Variants in PITPNA observed in about 807,000 individuals in gnomAD.
PITPNA encodes phosphatidylinositol transfer protein alpha isoform.
A neutral mutation model predicts 50.3 loss-of-function variants in PITPNA; 13 were observed. That is an observed-to-expected ratio of 0.26 (90% CI 0.17 to 0.41). PITPNA has a LOEUF of 0.41. Among genes scored for constraint, PITPNA ranks in the 10% least tolerant of loss-of-function variants. The pLI is 1.00. For missense variants in PITPNA, 207 were observed against 333.4 expected (o/e 0.62, Z 2.95); for synonymous variants, 120 against 119.6 (o/e 1.00, Z -0.02).
chr17:1,534,059 T>C (rs2075600535), intron 10 of PITPNA, 40 bp downstream of exon 10: 1 of 1,609,816 alleles, frequency 6.2e-7, no homozygotes, highest in African/African-American at 1.3e-5. Flanking sequence ...TTAATCTTCG[T>C]TTGTTTATCT....
chr17:1,522,655 G>A (rs1248728177), intron 10 of PITPNA, among the ~76,000 whole-genome samples: 1 of 152,232 alleles, frequency 6.6e-6, no homozygotes, highest in Non-Finnish European at 1.5e-5. Flanking sequence ...TTACAGGCGT[G>A]AGCCACCGCA....
intron 2 of PITPNA, among the ~76,000 whole-genome samples, chr17:1,554,140 C>T (rs2075723316): frequency 6.6e-6 from 1 of 152,142 alleles, no homozygotes; most frequent in African/African-American, 2.4e-5. Context: ...AGAAGCTGTC[C>T]AGAGGAGAAA....
At chr17:1,524,225 T>A (rs2075532623) in intron 10 of PITPNA, among the ~76,000 whole-genome samples, 1 of 150,958 alleles carries the variant, frequency 6.6e-6, no homozygotes, top group African/African-American at 2.4e-5. Context: ...TTTGTGTTTT[T>A]AGTAGAGACG....
intron 10 of PITPNA, among the ~76,000 whole-genome samples, chr17:1,531,551 GA>G (rs1224575929): frequency 1.3e-5 from 2 of 151,768 alleles, no homozygotes; most frequent in Middle Eastern, 3.4e-3. Flanking sequence ...AAATAAATAA[GA>G]AAAATTAAAA....
At position 1,518,143 on chromosome 17, in the gene PITPNA, AAAGT is replaced by A. The variant is rs1252837610; in HGVS notation, c.*2414_*2417del. On this transcript the variant is annotated 3_prime_UTR_variant, in exon 12 of 12. Coordinates refer to ENST00000313486, the MANE Select transcript of PITPNA (RefSeq NM_006224.4). ...AAACAAGTAGCACTAGGAACCAACC[AAAGT>A]AAGTCAGGGAGTCCCAGCAGGGACT... 6.6e-6 allele frequency: 1 copy of A among 152,616 alleles called. No homozygotes were observed. The highest frequency in any genetic ancestry group is 1.5e-5 in the Non-Finnish European group (1 of 68,046). 9.5% of individuals were successfully genotyped at this position (152,616 alleles called of 1,614,324 possible). A position where few individuals can be genotyped will look rare whatever the true frequency, so the allele number is the denominator to read the frequency against.
intron 6 of PITPNA, among the ~76,000 whole-genome samples, chr17:1,541,011 G>A (rs905716664): frequency 2.0e-5 from 3 of 152,140 alleles, no homozygotes; most frequent in African/African-American, 4.8e-5. Context: ...TGATCCTCCA[G>A]CCTCGGCCTC....
At chr17:1,547,713 G>A (rs1378184969) in intron 4 of PITPNA, among the ~76,000 whole-genome samples, 2 of 151,636 alleles carry the variant, frequency 1.3e-5, no homozygotes, top group African/African-American at 2.4e-5. Context: ...ATGTGTCTGG[G>A]CTGGGCACAG....
intron 1 of PITPNA, among the ~76,000 whole-genome samples, chr17:1,561,658 G>C (rs2075768906): frequency 6.6e-6 from 1 of 152,118 alleles, no homozygotes; most frequent in African/African-American, 2.4e-5. Flanking sequence ...TCCCAAGCTT[G>C]TTCCAAAAGC....
chr17:1,542,092 C>T (rs372270932), intron 5 of PITPNA, among the ~76,000 whole-genome samples: 9 of 151,872 alleles, frequency 5.9e-5, no homozygotes, highest in South Asian at 2.1e-4. Flanking sequence ...CCCAGCTACT[C>T]GGGAGGCTGA....
chr17:1,524,291 G>C (rs574151731), intron 10 of PITPNA, among the ~76,000 whole-genome samples: 1 of 148,420 alleles, frequency 6.7e-6, no homozygotes, highest in Non-Finnish European at 1.5e-5. Flanking sequence ...TGATCCGCCC[G>C]CCTTGGCCTC....
At chr17:1,560,437 AC>A (rs2075762428) in intron 1 of PITPNA, among the ~76,000 whole-genome samples, 1 of 152,072 alleles carries the variant, frequency 6.6e-6, no homozygotes, top group African/African-American at 2.4e-5. Context: ...GGATGCACAC[AC>A]GGGGCACGAG....
At chr17:1,551,825 C>T (rs1380143521) in intron 3 of PITPNA, among the ~76,000 whole-genome samples, 2 of 152,212 alleles carry the variant, frequency 1.3e-5, no homozygotes, top group African/African-American at 2.4e-5. Flanking sequence ...CTGGACAGCA[C>T]TGCTCTCCTC....
rs148517596 is a variant in PITPNA at position 1,549,142 on chromosome 17, G to A, written c.198-755C>T. Among the ~76,000 whole-genome samples the A allele has an allele frequency of 4.4e-4, 67 of 151,798 alleles. 1 individual carries two copies. Among genetic ancestry groups the A allele is most frequent in the Admixed American group, 7.9e-4 (12 of 15,244 alleles). ...AGGCTGGTCTTGAACTCCTGACCTCGTGATCCACCCACCTTGGCCTCCCAC... is the reference window on the plus strand; with the variant it reads ...AGGCTGGTCTTGAACTCCTGACCTCATGATCCACCCACCTTGGCCTCCCAC... On this transcript the variant is annotated intron_variant, in intron 3 of 11. Coordinates refer to ENST00000313486, the MANE Select transcript of PITPNA (RefSeq NM_006224.4).
chr17:1,556,973 A>G (rs957893308), intron 2 of PITPNA, among the ~76,000 whole-genome samples: 1 of 152,108 alleles, frequency 6.6e-6, no homozygotes, highest in Non-Finnish European at 1.5e-5. Context: ...TAAAGACAGC[A>G]TGGCCAAAGC....
At chr17:1,541,516 G>C in intron 6 of PITPNA, 50 bp downstream of exon 6, 1 of 1,322,366 alleles carries the variant, frequency 7.6e-7, no homozygotes, top group Non-Finnish European at 1.1e-6. Flanking sequence ...GAGGCTACAA[G>C]GCAGAGACTC....
At chr17:1,535,129 C>T (rs1173542471) in intron 9 of PITPNA, 53 bp downstream of exon 9, 3 of 1,111,846 alleles carry the variant, frequency 2.7e-6, no homozygotes, top group African/African-American at 1.5e-5. Flanking sequence ...CTCCACCACC[C>T]CCCCACAACA....
intron 10 of PITPNA, among the ~76,000 whole-genome samples, chr17:1,525,810 G>T (rs1482417426): frequency 6.6e-6 from 1 of 152,210 alleles, no homozygotes; most frequent in Admixed American, 6.5e-5. Flanking sequence ...GAGCCATCAC[G>T]CATGGCCAGC....
At chr17:1,536,044 A>G (rs1250361140) in intron 7 of PITPNA, among the ~76,000 whole-genome samples, 1 of 152,200 alleles carries the variant, frequency 6.6e-6, no homozygotes. Context: ...TAACAAAATC[A>G]TTACTGGAAA....
chr17:1,554,052 T>C (rs1191469298), intron 2 of PITPNA, among the ~76,000 whole-genome samples: 1 of 152,192 alleles, frequency 6.6e-6, no homozygotes, highest in African/African-American at 2.4e-5. Flanking sequence ...GTCAACATGA[T>C]TGGCCTCCTC....
Sources: allele counts gnomAD v4.1 joint callset (sites outside exome capture counted in the v4.1 genomes callset), GRCh38; gene constraint gnomAD v4.1.1; transcripts MANE v1.5; gene names NCBI Gene and HGNC (gene_info 2026-07-23, HGNC 2026-07-21).